Variants in DCDC2C observed in about 807,000 individuals in gnomAD.
DCDC2C encodes the protein doublecortin domain containing 2C, also known as doublecortin domain-containing protein 2C.
DCDC2C carries 44 observed loss-of-function variants against 45.0 expected under a neutral mutation model. That is an observed-to-expected ratio of 0.98 (90% CI 0.77 to 1.26). DCDC2C has a LOEUF of 1.26. DCDC2C is among the 50% of genes most tolerant of loss of function. The probability of loss-of-function intolerance (pLI) is 0.00; values close to 1 mark genes in which losing one functional copy is unlikely to be tolerated. For missense variants in DCDC2C, 447 were observed against 468.9 expected (o/e 0.95, Z 0.43); for synonymous variants, 187 against 178.8 (o/e 1.05, Z -0.37).
intron 6 of DCDC2C, among the ~76,000 whole-genome samples, 180 bp from the exon 7 acceptor site, chr2:3,767,574 A>G (rs964192909): frequency 8.5e-5 from 13 of 152,132 alleles, no homozygotes; most frequent in African/African-American, 3.1e-4. Flanking sequence ...TCCTGAGGGG[A>G]ATGCAAGTAA....
chr2:3,737,082 C>T (rs11123615), intron 3 of DCDC2C, among the ~76,000 whole-genome samples: 27,966 of 152,090 alleles, frequency 0.18, 3,221 homozygotes, highest in East Asian at 0.31. Context: ...ATGTACCCCC[C>T]GCCACTGCCC....
intron 8 of DCDC2C, among the ~76,000 whole-genome samples, chr2:3,778,248 C>T (rs1670405845): frequency 6.6e-6 from 1 of 152,232 alleles, no homozygotes; most frequent in Non-Finnish European, 1.5e-5. Context: ...TTATTGCAGC[C>T]TCATCAGCCT....
chr2:3,828,672 T>C (rs1220368213), intron 10 of DCDC2C, among the ~76,000 whole-genome samples: 1 of 152,230 alleles, frequency 6.6e-6, no homozygotes, highest in African/African-American at 2.4e-5. Flanking sequence ...ACTTAAAACA[T>C]GTTGCCTTTC....
At chr2:3,747,329 G>A (rs960809970) in intron 4 of DCDC2C, among the ~76,000 whole-genome samples, 5 of 152,218 alleles carry the variant, frequency 3.3e-5, no homozygotes, top group East Asian at 1.9e-4. Context: ...ATCAGCATCC[G>A]TGATGTAGGC....
intron 10 of DCDC2C, among the ~76,000 whole-genome samples, chr2:3,816,611 G>A (rs559620630): frequency 1.3e-5 from 2 of 152,290 alleles, no homozygotes; most frequent in African/African-American, 2.4e-5. Context: ...GAATGGGAAC[G>A]AGAATAAGAG....
chr2:3,755,679 A>T (rs1384607151), intron 6 of DCDC2C, among the ~76,000 whole-genome samples: 1 of 150,514 alleles, frequency 6.6e-6, no homozygotes, highest in Non-Finnish European at 1.5e-5. Context: ...ATGTGTGTGG[A>T]TGTGTGTATG....
chr2:3,838,052 C>A (rs899245910), intron 10 of DCDC2C, among the ~76,000 whole-genome samples: 1 of 152,078 alleles, frequency 6.6e-6, no homozygotes, highest in Non-Finnish European at 1.5e-5. Flanking sequence ...GAAGAGTGAG[C>A]TACTGAAAGA....
intron 9 of DCDC2C, among the ~76,000 whole-genome samples, chr2:3,783,917 A>T (rs895451186): frequency 6.6e-6 from 1 of 152,286 alleles, no homozygotes; most frequent in African/African-American, 2.4e-5. Context: ...AAGCTAAACA[A>T]AATAAGGAAG....
intron 10 of DCDC2C, among the ~76,000 whole-genome samples, chr2:3,817,803 AG>A (rs1456842570): frequency 6.6e-6 from 1 of 152,182 alleles, no homozygotes; most frequent in Non-Finnish European, 1.5e-5. Flanking sequence ...AGGAACAGAA[AG>A]GAGTGGCTAA....
In DCDC2C at chr2:3,723,418, A is replaced by T. The variant is rs116980728; in HGVS notation, c.340-3585A>T. ...AGTAAGAGGGGCAAACCAGACAAAG[A>T]TCCGTGAGTATGTTCCAGGCTCAGG... On this transcript the variant is annotated intron_variant, in intron 2 of 10. Transcript: ENST00000399143. Among the ~76,000 whole-genome samples, 92 of 152,288 alleles carry T rather than the reference A, an allele frequency of 6.0e-4. No homozygotes were observed. The East Asian group carries it at 0.016, about 26-fold the overall frequency.
At chr2:3,771,043 C>G (rs1670150412) in intron 8 of DCDC2C, among the ~76,000 whole-genome samples, 1 of 152,238 alleles carries the variant, frequency 6.6e-6, no homozygotes, top group South Asian at 2.1e-4. Context: ...GCAATATTAA[C>G]ACAAGTCCTG....
At chr2:3,840,823 GT>G (rs1469884538) in intron 10 of DCDC2C, among the ~76,000 whole-genome samples, 1 of 152,206 alleles carries the variant, frequency 6.6e-6, no homozygotes, top group Non-Finnish European at 1.5e-5. Flanking sequence ...CGCTCTGCGA[GT>G]TTCGCAGTGA....
At chr2:3,751,771 C>T (rs1406969706) in intron 4 of DCDC2C, among the ~76,000 whole-genome samples, 3 of 152,240 alleles carry the variant, frequency 2.0e-5, no homozygotes, top group Non-Finnish European at 2.9e-5. Context: ...CTCTGAGCCT[C>T]CTCCCACAGG....
chr2:3,718,295 C>A (rs1017190505), intron 2 of DCDC2C, among the ~76,000 whole-genome samples: 1 of 152,300 alleles, frequency 6.6e-6, no homozygotes. Context: ...GGTCTTGCTT[C>A]TGAGTGGGGC....
Position 3,708,465 on chromosome 2 carries a change from A to G in DCDC2C, c.288-84A>G, listed in dbSNP as rs1005491275. On this transcript the variant is annotated intron_variant, in intron 1 of 10. Coordinates refer to ENST00000399143, the MANE Select transcript of DCDC2C (RefSeq NM_001287444.2). Reference sequence around the variant, plus strand: ...TGTGGGGTTGTATCTATTAAGCCGGAAAAGGACTCGTTTCTAAGGAGTCTG... The same window carrying G: ...TGTGGGGTTGTATCTATTAAGCCGGGAAAGGACTCGTTTCTAAGGAGTCTG... 31 of 1,099,138 alleles carry G rather than the reference A, an allele frequency of 2.8e-5. 1 individual carries two copies. The South Asian group carries it at 4.8e-4, about 17-fold the overall frequency. 68.1% of individuals were successfully genotyped at this position (1,099,138 alleles called of 1,614,324 possible). A position where few individuals can be genotyped will look rare whatever the true frequency, so the allele number is the denominator to read the frequency against.
intron 3 of DCDC2C, among the ~76,000 whole-genome samples, chr2:3,730,063 A>G (rs1429896385): frequency 6.6e-6 from 1 of 152,196 alleles, no homozygotes; most frequent in African/African-American, 2.4e-5. Context: ...GCTGCTGTGC[A>G]TTCAGGAGGA....
At chr2:3,709,362 GT>G (rs2148042596) in intron 2 of DCDC2C, among the ~76,000 whole-genome samples, 1 of 152,222 alleles carries the variant, frequency 6.6e-6, no homozygotes, top group East Asian at 1.9e-4. Flanking sequence ...GCCAGCACTA[GT>G]TAAGGGCTTC....
chr2:3,799,798 G>A (rs1427563235), intron 10 of DCDC2C, among the ~76,000 whole-genome samples: 1 of 152,288 alleles, frequency 6.6e-6, no homozygotes, highest in African/African-American at 2.4e-5. Context: ...ATTTAAGTCT[G>A]CAGAGGTTAC....
At position 3,720,687 on chromosome 2, in the gene DCDC2C, ATAT is replaced by A. The variant is rs1320813266; in HGVS notation, c.340-6312_340-6310del. ...ATGATTTCCCATTTTTAGTTTGTTA[ATAT>A]TATGAATTACATGAATTGATTTTCA... On this transcript the variant is annotated intron_variant, in intron 2 of 10. Coordinates refer to ENST00000399143, the MANE Select transcript of DCDC2C (RefSeq NM_001287444.2). Among the ~76,000 whole-genome samples the A allele has an allele frequency of 9.2e-5, 14 of 152,286 alleles. No individual in the cohort carries two copies. In the East Asian group the frequency reaches 2.7e-3, roughly 29 times the overall value.
Sources: gnomAD v4.1 joint callset for allele counts (sites outside exome capture counted in the v4.1 genomes callset) on GRCh38, gnomAD v4.1.1 for gene constraint, MANE v1.5 for transcripts, NCBI Gene and HGNC (gene_info 2026-07-23, HGNC 2026-07-21) for gene names.